The following MSI2 variants were observed in gnomAD, a reference collection of about 807,000 sequenced individuals.
MSI2 encodes the protein RNA-binding protein Musashi homolog 2.
A neutral mutation model predicts 45.6 loss-of-function variants in MSI2; 17 were observed. That is an observed-to-expected ratio of 0.37 (90% confidence interval 0.26 to 0.56). MSI2 has a LOEUF of 0.56. Ranked by LOEUF, MSI2 falls within the 20% of genes least tolerant of loss-of-function variation. The pLI is 0.77. For missense variants in MSI2, 293 were observed against 444.2 expected (o/e 0.66, Z 3.06); for synonymous variants, 156 against 158.2 (o/e 0.99, Z 0.11).
chr17:57,589,876 C>G (rs964922100), intron 7 of MSI2, among the ~76,000 whole-genome samples: 2 of 152,170 alleles, frequency 1.3e-5, no homozygotes, highest in African/African-American at 4.8e-5. Context: ...CAGAGCCTGC[C>G]CTGCCTCTCG....
At chr17:57,528,549 A>C (rs1169988461) in intron 6 of MSI2, among the ~76,000 whole-genome samples, 2 of 152,248 alleles carry the variant, frequency 1.3e-5, no homozygotes, top group African/African-American at 4.8e-5. Context: ...ATAATAAAGT[A>C]ACGCAGATTG....
At chr17:57,522,848 A>T (rs1482548576) in intron 6 of MSI2, 1 of 152,194 alleles carries the variant, frequency 6.6e-6, no homozygotes, top group African/African-American at 2.4e-5. Flanking sequence ...ACTGCTCTTT[A>T]GCTGTCTCCT....
chr17:57,333,752 C>T (rs1490211918), intron 5 of MSI2, among the ~76,000 whole-genome samples: 1 of 150,996 alleles, frequency 6.6e-6, no homozygotes, highest in African/African-American at 2.4e-5. Context: ...CTGGTTTGTA[C>T]CTTTTAAACG....
At chr17:57,293,475 G>C (rs996465288) in intron 5 of MSI2, among the ~76,000 whole-genome samples, 24 of 152,040 alleles carry the variant, frequency 1.6e-4, no homozygotes, top group Non-Finnish European at 8.8e-5. Flanking sequence ...GCGCTTGGCT[G>C]TACCTTGCCA....
intron 6 of MSI2, among the ~76,000 whole-genome samples, chr17:57,454,438 CTTTT>C (rs35707042): frequency 2.3e-5 from 3 of 130,130 alleles, no homozygotes; most frequent in African/African-American, 2.9e-5. Context: ...TTTTCTCTTT[CTTTT>C]TTTTTTTTTT....
At chr17:57,462,052 T>C (rs925900745) in intron 6 of MSI2, among the ~76,000 whole-genome samples, 1 of 152,208 alleles carries the variant, frequency 6.6e-6, no homozygotes, top group Non-Finnish European at 1.5e-5. Flanking sequence ...GGTTGGTTCC[T>C]GCTGAGGGCT....
At position 57,257,090 on chromosome 17, in the gene MSI2, C is replaced by T. The variant is rs1009099951; in HGVS notation, c.63-8C>T. The T allele has an allele frequency of 2.5e-6, 4 of 1,580,410 alleles. No homozygotes were observed. The highest frequency in any genetic ancestry group is 3.4e-6 in the Non-Finnish European group (4 of 1,162,042). On this transcript the variant is annotated splice_region_variant and splice_polypyrimidine_tract_variant and intron_variant, in intron 1 of 13. Transcript: ENST00000284073. ...GGTGCTCACTTCTGTTATGTTTTCTCCCTCTAGTAAAATGTTTATCGGTGG... is the reference window on the plus strand; with the variant it reads ...GGTGCTCACTTCTGTTATGTTTTCTTCCTCTAGTAAAATGTTTATCGGTGG...
At chr17:57,622,256 C>CTGCCTTG (rs1567942136) in intron 9 of MSI2, among the ~76,000 whole-genome samples, 8 of 152,224 alleles carry the variant, frequency 5.3e-5, no homozygotes, top group Admixed American at 1.3e-4. Context: ...CTTTGCGGCA[C>CTGCCTTG]CGCACCAAGA....
chr17:57,455,390 G>A (rs940277125), intron 6 of MSI2, among the ~76,000 whole-genome samples: 3 of 152,144 alleles, frequency 2.0e-5, no homozygotes, highest in African/African-American at 4.8e-5. Context: ...TTGTGAATTA[G>A]CATGTTTTTC....
chr17:57,660,754 C>T (rs1226071279), intron 11 of MSI2, among the ~76,000 whole-genome samples: 2 of 152,146 alleles, frequency 1.3e-5, no homozygotes, highest in Admixed American at 1.3e-4. Context: ...GGCAAAGCCA[C>T]CAGACCTCGG....
At position 57,645,210 on chromosome 17, in the gene MSI2, G is replaced by A. The variant is rs183993828; in HGVS notation, c.728-6889G>A. ...ATTCTGTGGGCAGGGTTGGGGCCAG[G>A]GTTAAAGCTCCTCCAGGCTGGACTG... On this transcript the variant is annotated intron_variant, in intron 10 of 13. Transcript: ENST00000284073. Among the ~76,000 whole-genome samples the A allele has an allele frequency of 6.6e-5, 10 of 152,292 alleles. No homozygotes were observed. In the East Asian group the frequency reaches 1.9e-3, roughly 29 times the overall value.
chr17:57,392,886 A>G lies in MSI2; in HGVS notation c.313-8493A>G, dbSNP rs564934584. On this transcript the variant is annotated intron_variant, in intron 5 of 13. Coordinates refer to ENST00000284073, the MANE Select transcript of MSI2 (RefSeq NM_138962.4). ...CCTGTCATTTTTTTTTGACAGCTTT[A>G]TTGAGATATAATTCAAATACCATAT... 4.6e-4 allele frequency among the ~76,000 whole-genome samples: 70 copies of G among 152,100 alleles called. 1 individual carries two copies. Among genetic ancestry groups the G allele is most frequent in the African/African-American group, 1.6e-3 (66 of 41,480 alleles).
intron 5 of MSI2, among the ~76,000 whole-genome samples, chr17:57,270,678 G>A (rs1258241003): frequency 2.0e-5 from 3 of 152,230 alleles, no homozygotes; most frequent in Admixed American, 1.3e-4. Flanking sequence ...GAATTGCTAA[G>A]GGTAAGATGG....
At chr17:57,510,132 C>T (rs2086320055) in intron 6 of MSI2, among the ~76,000 whole-genome samples, 1 of 152,052 alleles carries the variant, frequency 6.6e-6, no homozygotes, top group Non-Finnish European at 1.5e-5. Context: ...TCCCCATCTA[C>T]TCCTTCCTCT....
chr17:57,453,304 G>A (rs1038156987), intron 6 of MSI2, among the ~76,000 whole-genome samples: 2 of 152,070 alleles, frequency 1.3e-5, no homozygotes, highest in Admixed American at 6.6e-5. Context: ...CCTGGCCTGA[G>A]GGGCTTCTTG....
At chr17:57,553,392 C>T (rs1175199243) in intron 7 of MSI2, among the ~76,000 whole-genome samples, 1 of 152,158 alleles carries the variant, frequency 6.6e-6, no homozygotes, top group Non-Finnish European at 1.5e-5. Context: ...TTTTGATTTT[C>T]TAGGCTGGGA....
At position 57,677,134 on chromosome 17, in the gene MSI2, C is replaced by T. The variant is rs961233358; in HGVS notation, c.*31+75C>T. On this transcript the variant is annotated intron_variant, in intron 13 of 13. Transcript: ENST00000284073. Reference sequence around the variant, plus strand: ...TGTATGTCCACAGGTCATACATGCACGTGCGTGCCCCTGTCTCATCACATC... The same window carrying T: ...TGTATGTCCACAGGTCATACATGCATGTGCGTGCCCCTGTCTCATCACATC... 4.4e-5 allele frequency: 44 copies of T among 991,944 alleles called. 1 individual carries two copies. Among genetic ancestry groups the T allele is most frequent in the Admixed American group, 3.6e-4 (21 of 58,430 alleles). 61.4% of individuals were successfully genotyped at this position (991,944 alleles called of 1,614,324 possible). A position where few individuals can be genotyped will look rare whatever the true frequency, so the allele number is the denominator to read the frequency against.
intron 6 of MSI2, among the ~76,000 whole-genome samples, chr17:57,476,500 A>G (rs1163804125): frequency 6.6e-6 from 1 of 152,154 alleles, no homozygotes; most frequent in Non-Finnish European, 1.5e-5. Flanking sequence ...TGCTGGTATA[A>G]CTGAACTCCA....
chr17:57,264,974 C>T (rs868192714), intron 5 of MSI2: 1 of 152,224 alleles, frequency 6.6e-6, no homozygotes, highest in African/African-American at 2.4e-5. Flanking sequence ...TTTGATCTGA[C>T]CCCTCAGGCC....
Sources: gnomAD v4.1 joint callset for allele counts (sites outside exome capture counted in the v4.1 genomes callset) on GRCh38, gnomAD v4.1.1 for gene constraint, MANE v1.5 for transcripts, NCBI Gene and HGNC (gene_info 2026-07-23, HGNC 2026-07-21) for gene names.